The following TTC13 variants were observed in gnomAD, a reference collection of about 807,000 sequenced individuals.
The protein encoded by TTC13 is tetratricopeptide repeat protein 13.
TTC13 carries 62 observed loss-of-function variants against 120.0 expected under a neutral mutation model. That is an observed-to-expected ratio of 0.52 (90% confidence interval 0.42 to 0.64). TTC13 has a LOEUF of 0.64. Ranked by LOEUF, TTC13 falls within the 30% of genes least tolerant of loss-of-function variation. The probability of loss-of-function intolerance (pLI) is 0.00; values close to 1 mark genes in which losing one functional copy is unlikely to be tolerated. For missense variants in TTC13, 824 were observed against 1,050.2 expected (o/e 0.78, Z 2.98); for synonymous variants, 384 against 393.5 (o/e 0.98, Z 0.28).
chr1:230,928,923 T>C lies in TTC13; in HGVS notation c.1457+14A>G, dbSNP rs372955492. 3.1e-6 allele frequency: 5 copies of C among 1,613,092 alleles called. No homozygotes were observed. Among genetic ancestry groups the C allele is most frequent in the Non-Finnish European group, 4.2e-6 (5 of 1,179,506 alleles). On this transcript the variant is annotated intron_variant, in intron 12 of 22. Coordinates refer to ENST00000366661, the MANE Select transcript of TTC13 (RefSeq NM_024525.5). ...AGAAAGGAAAAAAAAATCATCTTCATTTAAAGCACTTACTTTATGTGGGGT... is the reference window on the plus strand; with the variant it reads ...AGAAAGGAAAAAAAAATCATCTTCACTTAAAGCACTTACTTTATGTGGGGT...
intron 2 of TTC13, among the ~76,000 whole-genome samples, chr1:230,958,790 G>A (rs564060462): frequency 2.0e-5 from 3 of 152,256 alleles, no homozygotes; most frequent in Non-Finnish European, 2.9e-5. Flanking sequence ...CCGGAATTTC[G>A]AGATCAGCCT....
chr1:230,971,737 G>A (rs530490780), intron 1 of TTC13, among the ~76,000 whole-genome samples: 217 of 152,212 alleles, frequency 1.4e-3, no homozygotes, highest in Admixed American at 2.9e-3. Flanking sequence ...AAAAGAAAAG[G>A]AATTCACTGC....
intron 17 of TTC13, 149 bp from the exon 18 acceptor site, chr1:230,916,451 G>T: frequency 1.5e-6 from 1 of 661,440 alleles, no homozygotes; most frequent in Admixed American, 2.2e-5. Flanking sequence ...GGTGGCCAAG[G>T]ACATCTCTGC....
chr1:230,932,654 A>G (rs1205036531), intron 9 of TTC13, among the ~76,000 whole-genome samples: 1 of 152,210 alleles, frequency 6.6e-6, no homozygotes, highest in African/African-American at 2.4e-5. Context: ...TTTATATTCA[A>G]TAATTCTGTG....
At chr1:230,907,095 T>C in intron 22 of TTC13, 76 bp from the exon 23 acceptor site, 1 of 529,270 alleles carries the variant, frequency 1.9e-6, no homozygotes. Flanking sequence ...TTATATTTAT[T>C]CCTATCATTA....
At chr1:230,907,067 G>T in intron 22 of TTC13, 48 bp from the exon 23 acceptor site, 1 of 819,268 alleles carries the variant, frequency 1.2e-6, no homozygotes, top group Non-Finnish European at 1.9e-6. Flanking sequence ...AACAAAATTT[G>T]CAAAAAAAGG....
intron 21 of TTC13, 32 bp from the exon 22 acceptor site, chr1:230,908,823 A>G: frequency 6.2e-7 from 1 of 1,609,930 alleles, no homozygotes; most frequent in South Asian, 1.1e-5. Context: ...GAATGTTACT[A>G]AACATGGAGG....
intron 1 of TTC13, among the ~76,000 whole-genome samples, chr1:230,972,719 T>C (rs1208694010): frequency 6.6e-6 from 1 of 152,200 alleles, no homozygotes; most frequent in Non-Finnish European, 1.5e-5. Flanking sequence ...AATTAACCCT[T>C]ATCACCTGAA....
In TTC13 at chr1:230,924,784, T is replaced by C. The variant is rs116752373; in HGVS notation, c.1721+57A>G. The C allele has an allele frequency of 3.1e-6, 5 of 1,602,816 alleles. No homozygotes were observed. In the African/African-American group the frequency reaches 5.3e-5, roughly 17 times the overall value. On this transcript the variant is annotated intron_variant, in intron 14 of 22. Transcript: ENST00000366661. ...TCATAGCCTGTTAGCTAAAACAGAC[T>C]GACGTTATTTGACAATGATAAGACT...
At chr1:230,931,569 C>T (rs1673558580) in intron 10 of TTC13, 97 bp from the exon 11 acceptor site, 1 of 1,513,402 alleles carries the variant, frequency 6.6e-7, no homozygotes, top group Non-Finnish European at 9.0e-7. Context: ...CCAGGTTAAA[C>T]CAGACCTGTA....
In TTC13 at chr1:230,969,070, C is replaced by T. The variant is rs12061594; in HGVS notation, c.272-7767G>A. On this transcript the variant is annotated intron_variant, in intron 1 of 22. Coordinates refer to ENST00000366661, the MANE Select transcript of TTC13 (RefSeq NM_024525.5). Reference sequence around the variant, plus strand: ...TGGGCGGATCACGAGGTCAGGAGATCGAGACCACGGTGAAACCCCGTCTCT... The same window carrying T: ...TGGGCGGATCACGAGGTCAGGAGATTGAGACCACGGTGAAACCCCGTCTCT... 5.8e-3 allele frequency among the ~76,000 whole-genome samples: 880 copies of T among 152,074 alleles called. 9 individuals are homozygous for T. The highest frequency in any genetic ancestry group is 0.019 in the African/African-American group (790 of 41,502).
At chr1:230,917,064 G>T (rs908657683) in intron 17 of TTC13, among the ~76,000 whole-genome samples, 4 of 152,032 alleles carry the variant, frequency 2.6e-5, no homozygotes, top group Non-Finnish European at 5.9e-5. Context: ...CTTCATGAGG[G>T]GAGAGCTTGT....
Position 230,912,576 on chromosome 1 carries a change from A to G in TTC13, c.2229+47T>C, listed in dbSNP as rs777811440. ...AGGGCAGAGGTTCAAAAAATTTACA[A>G]AAGAATCATAGGAAGAGCAGAAAAA... On this transcript the variant is annotated intron_variant, in intron 19 of 22. Coordinates refer to ENST00000366661, the MANE Select transcript of TTC13 (RefSeq NM_024525.5). 3.1e-6 allele frequency: 5 copies of G among 1,591,674 alleles called. No individual in the cohort carries two copies. The South Asian group carries it at 3.5e-5, about 11-fold the overall frequency.
At chr1:230,947,077 G>C (rs1675070968) in intron 4 of TTC13, among the ~76,000 whole-genome samples, 1 of 151,898 alleles carries the variant, frequency 6.6e-6, no homozygotes, top group African/African-American at 2.4e-5. Context: ...TTTTAAAACA[G>C]ACATGCTCAT....
chr1:230,978,656 G>C lies in TTC13; in HGVS notation c.175C>G (p.Leu59Val). The part of the protein sequence containing the change: ...YSPLSLLKQE[L>V]QHRQQQEAPA... ...GCCTCCTGCTGCTGCCGGTGCTGCA[G>C]CTCCTGCTTGAGCAGGGAGAGCGGC... The change falls in exon 1 of 23, where the codon CTG becomes GTG. Residue 59 changes from leucine (L) to valine (V), a missense_variant. Coordinates refer to ENST00000366661, the MANE Select transcript of TTC13 (RefSeq NM_024525.5). The surrounding 1 kb of genome is among the most constrained non-coding windows in gnomAD (Gnocchi z 5.6). The C allele has an allele frequency of 1.4e-6, 2 of 1,481,300 alleles. No individual in the cohort carries two copies. The highest frequency in any genetic ancestry group is 1.8e-6 in the Non-Finnish European group (2 of 1,124,054). The allele number at this position is 1,481,300 out of a possible 1,614,324, so 91.8% of individuals were successfully genotyped here.
Position 230,917,301 on chromosome 1 carries a change from A to G in TTC13, c.1984-999T>C, listed in dbSNP as rs187653616. On this transcript the variant is annotated intron_variant, in intron 17 of 22. Transcript: ENST00000366661. Reference sequence around the variant, plus strand: ...ATGGTCTCAATCTTACAGATGAGAAACGAACTAGGTGAGGCAAAGTCTGGC... The same window carrying G: ...ATGGTCTCAATCTTACAGATGAGAAGCGAACTAGGTGAGGCAAAGTCTGGC... Among the ~76,000 whole-genome samples, 38 of 152,342 alleles carry G rather than the reference A, an allele frequency of 2.5e-4. 1 individual carries two copies. Among genetic ancestry groups the G allele is most frequent in the African/African-American group, 8.9e-4 (37 of 41,574 alleles).
chr1:230,908,637 G>T (rs74143516), intron 22 of TTC13, 75 bp downstream of exon 22: 9 of 1,176,836 alleles, frequency 7.6e-6, no homozygotes, highest in East Asian at 2.4e-5. Flanking sequence ...TTTTCATAGC[G>T]CTCCAAAGTA....
intron 21 of TTC13, 68 bp downstream of exon 21, chr1:230,908,874 A>G: frequency 6.2e-7 from 1 of 1,607,434 alleles, no homozygotes; most frequent in Non-Finnish European, 8.5e-7. Flanking sequence ...CGTGTACCTT[A>G]AAATAAAAAT....
intron 8 of TTC13, 94 bp from the exon 9 acceptor site, chr1:230,933,955 CT>C: frequency 1.5e-6 from 1 of 678,726 alleles, no homozygotes; most frequent in Non-Finnish European, 2.3e-6. Context: ...ATATCCTAGT[CT>C]CTGACAGATT....
Sources: allele counts gnomAD v4.1 joint callset (sites outside exome capture counted in the v4.1 genomes callset), GRCh38; gene constraint gnomAD v4.1.1; non-coding constraint Gnocchi (gnomAD v3.1); transcripts MANE v1.5; gene names NCBI Gene and HGNC (gene_info 2026-07-23, HGNC 2026-07-21).